Variants in GCA observed in about 807,000 individuals in gnomAD.
The protein encoded by GCA is grancalcin.
A neutral mutation model predicts 32.6 loss-of-function variants in GCA; 30 were observed. The ratio of observed to expected loss-of-function variants is 0.92; its 90% confidence interval spans 0.69 to 1.25. The LOEUF (loss-of-function observed/expected upper bound fraction) is 1.25. GCA is among the 50% of genes most tolerant of loss of function. GCA has a pLI of 0.00. For missense variants in GCA, 291 were observed against 266.8 expected, an observed-to-expected ratio of 1.09 and a Z score of -0.63; for synonymous variants, 102 against 84.6, an observed-to-expected ratio of 1.21 and a Z score of -1.13.
At chr2:162,370,082 G>A (rs1685876546) in intron 4 of GCA, among the ~76,000 whole-genome samples, 1 of 152,060 alleles carries the variant, frequency 6.6e-6, no homozygotes, top group Non-Finnish European at 1.5e-5. Context: ...CAATTTATGT[G>A]ACCATTTAAA....
At chr2:162,329,737 A>C (rs948078352) in intron 1 of GCA, among the ~76,000 whole-genome samples, 2 of 151,970 alleles carry the variant, frequency 1.3e-5, no homozygotes. Context: ...TACATAGGTA[A>C]ACTTGTGTCA....
At position 162,360,388 on chromosome 2, in the gene GCA, A is replaced by G. The variant is rs775993585; in HGVS notation, c.*145A>G. ...CCTTTCTGTGTGTTTTTATTTTAGCAGATAGTTCAAAGCAATAAAAGATTT... is the reference window on the plus strand; with the variant it reads ...CCTTTCTGTGTGTTTTTATTTTAGCGGATAGTTCAAAGCAATAAAAGATTT... On this transcript the variant is annotated 3_prime_UTR_variant, in exon 8 of 8. Transcript: ENST00000437150. 8.9e-6 allele frequency: 12 copies of G among 1,347,288 alleles called. No individual in the cohort carries two copies. The highest frequency in any genetic ancestry group is 1.2e-5 in the Non-Finnish European group (12 of 1,038,722). The allele number at this position is 1,347,288 out of a possible 1,614,324, so 83.5% of individuals were successfully genotyped here.
At chr2:162,347,763 C>T in intron 2 of GCA, 21 bp downstream of exon 2, 2 of 1,385,256 alleles carry the variant, frequency 1.4e-6, no homozygotes, top group East Asian at 2.4e-5. Context: ...AAATTTATTG[C>T]ATAAATATGT....
intron 1 of GCA, among the ~76,000 whole-genome samples, chr2:162,322,109 T>C (rs1683694722): frequency 6.7e-6 from 1 of 150,100 alleles, no homozygotes; most frequent in African/African-American, 2.5e-5. Context: ...GAAAAAAAAT[T>C]ATGGCTAAGT....
chr2:162,362,164 G>A lies in GCA; in HGVS notation c.*1921G>A. 3 of 984,576 alleles carry A rather than the reference G, an allele frequency of 3.0e-6. No homozygotes were observed. The highest frequency in any genetic ancestry group is 4.7e-5 in the South Asian group (1 of 21,278). 61.0% of individuals were successfully genotyped at this position (984,576 alleles called of 1,614,324 possible). A position where few individuals can be genotyped will look rare whatever the true frequency, so the allele number is the denominator to read the frequency against. On this transcript the variant is annotated 3_prime_UTR_variant, in exon 8 of 8. Transcript: ENST00000437150. ...CTCTCACTTTCTAAAGCTTGACAAGGTATATTAGCATCTGAAACCCCAAGG... is the reference window on the plus strand; with the variant it reads ...CTCTCACTTTCTAAAGCTTGACAAGATATATTAGCATCTGAAACCCCAAGG...
At chr2:162,369,651 T>C (rs1470958683) in intron 4 of GCA, among the ~76,000 whole-genome samples, 1 of 152,066 alleles carries the variant, frequency 6.6e-6, no homozygotes, top group Non-Finnish European at 1.5e-5. Context: ...ACCTGCCAAA[T>C]CCTCTCTCCC....
At position 162,357,112 on chromosome 2, in the gene GCA, T is replaced by C; in HGVS notation, c.454+207T>C. On this transcript the variant is annotated intron_variant, in intron 5 of 7. Coordinates refer to ENST00000437150, the MANE Select transcript of GCA (RefSeq NM_012198.5). ...TATGATTTTTTTCAAAAGATGATCTTCCATACATGCATACATTCTGAATTT... is the reference window on the plus strand; with the variant it reads ...TATGATTTTTTTCAAAAGATGATCTCCCATACATGCATACATTCTGAATTT... The C allele has an allele frequency of 1.1e-5, 5 of 442,274 alleles. No individual in the cohort carries two copies. In the South Asian group the frequency reaches 2.1e-4, roughly 19 times the overall value. The allele number at this position is 442,274 out of a possible 1,614,324, so 27.4% of individuals were successfully genotyped here.
In GCA at chr2:162,352,366, A is replaced by G. The variant is rs373720297; in HGVS notation, c.221A>G (p.Gln74Arg). The stretch of plus-strand genomic sequence containing the variant: ...GGTGAAGTGGATGCTGAAGAACTTC[A>G]GAGATGTTTGACACAGTCTGGAATT... ...QDGEVDAEELQRCLTQSGING... is the reference protein window; with the variant it reads ...QDGEVDAEELRRCLTQSGING... Residue 74 changes from glutamine (Q) to arginine (R), a missense_variant, in exon 3 of 8, where the codon CAG (glutamine) becomes CGG (arginine). Transcript: ENST00000437150. The G allele has an allele frequency of 1.8e-4, 285 of 1,592,660 alleles. 1 individual carries two copies. In the South Asian group the frequency reaches 2.2e-3, roughly 12 times the overall value.
In GCA at chr2:162,347,649, A is replaced by T. The variant is rs777268464; in HGVS notation, c.99A>T (p.Ile33=). 24 of 1,610,532 alleles carry T rather than the reference A, an allele frequency of 1.5e-5. No homozygotes were observed. The highest frequency in any genetic ancestry group is 2.0e-5 in the Non-Finnish European group (24 of 1,177,376). ...GQPVPETGPA[I]LLDGYSGPAY... The stretch of plus-strand genomic sequence containing the variant: ...CAGTGCCAGAAACAGGCCCAGCTAT[A>T]CTCCTCGATGGATACTCTGGGCCAG... The change falls in exon 2 of 8, where the codon ATA becomes ATT. Residue 33 remains isoleucine (I), a synonymous_variant. Coordinates refer to ENST00000437150, the MANE Select transcript of GCA (RefSeq NM_012198.5).
intron 1 of GCA, among the ~76,000 whole-genome samples, chr2:162,325,123 C>T (rs1430603571): frequency 6.6e-6 from 1 of 152,154 alleles, no homozygotes; most frequent in Non-Finnish European, 1.5e-5. Flanking sequence ...CAACATTGTA[C>T]CCTGACCTGT....
chr2:162,359,255 T>C, intron 6 of GCA, 98 bp downstream of exon 6: 1 of 740,438 alleles, frequency 1.4e-6, no homozygotes, highest in Non-Finnish European at 2.4e-6. Flanking sequence ...AATATGTGTT[T>C]TCTCCCTTTA....
At chr2:162,338,420 C>T (rs377112680) in intron 1 of GCA, among the ~76,000 whole-genome samples, 3 of 152,086 alleles carry the variant, frequency 2.0e-5, no homozygotes, top group South Asian at 2.1e-4. Context: ...TACACAGAAG[C>T]GAGTTACTAA....
At chr2:162,354,721 G>A (rs932220018) in intron 3 of GCA, among the ~76,000 whole-genome samples, 4 of 152,080 alleles carry the variant, frequency 2.6e-5, no homozygotes, top group African/African-American at 9.7e-5. Flanking sequence ...TCAGATCTAG[G>A]TTGGTTAACT....
chr2:162,333,077 A>T (rs565325956), intron 1 of GCA, among the ~76,000 whole-genome samples: 4 of 152,252 alleles, frequency 2.6e-5, no homozygotes, highest in African/African-American at 9.6e-5. Flanking sequence ...CCTCATATTT[A>T]TATACACCCA....
Position 162,360,535 on chromosome 2 carries a change from T to A in GCA, c.*292T>A, listed in dbSNP as rs1685525001. On this transcript the variant is annotated 3_prime_UTR_variant, in exon 8 of 8. Coordinates refer to ENST00000437150, the MANE Select transcript of GCA (RefSeq NM_012198.5). ...TGCTTAGCCTTAATTTTAGATAATG[T>A]AAATTTAGAGGAATGTACTTTACAA... 9.5e-7 allele frequency: 1 copy of A among 1,050,254 alleles called. No individual in the cohort carries two copies. Among genetic ancestry groups the A allele is most frequent in the African/African-American group, 1.7e-5 (1 of 60,294 alleles). 65.1% of individuals were successfully genotyped at this position (1,050,254 alleles called of 1,614,324 possible).
At chr2:162,352,245 A>G (rs890999542) in intron 2 of GCA, 93 bp from the exon 3 acceptor site, 6 of 737,060 alleles carry the variant, frequency 8.1e-6, no homozygotes, top group Admixed American at 2.2e-5. Flanking sequence ...CAAAGAATGC[A>G]TATGTCTTGA....
downstream of GCA, chr2:162,372,168 AAACTT>A: frequency 1.7e-6 from 2 of 1,206,306 alleles, no homozygotes; most frequent in Admixed American, 2.3e-5. Flanking sequence ...ACACTAATAA[AAACTT>A]AAGCATTTTC....
chr2:162,361,772 G>A lies in GCA; in HGVS notation c.*1529G>A. 1 of 984,062 alleles carries A rather than the reference G, an allele frequency of 1.0e-6. No individual in the cohort carries two copies. The highest frequency in any genetic ancestry group is 1.2e-6 in the Non-Finnish European group (1 of 828,936). 61.0% of individuals were successfully genotyped at this position (984,062 alleles called of 1,614,324 possible). A position where few individuals can be genotyped will look rare whatever the true frequency, so the allele number is the denominator to read the frequency against. On this transcript the variant is annotated 3_prime_UTR_variant, in exon 8 of 8. Transcript: ENST00000437150. ...GATAATGTGAGAGGACATTAACTGA[G>A]CTGGGAAATTAAAGAAACAGAATTC...
intron 2 of GCA, among the ~76,000 whole-genome samples, chr2:162,351,395 C>T (rs1684991843): frequency 6.6e-6 from 1 of 152,168 alleles, no homozygotes; most frequent in Non-Finnish European, 1.5e-5. Context: ...TAATTCTCTA[C>T]CTGATGCTCT....
Sources: gnomAD v4.1 joint callset for allele counts (sites outside exome capture counted in the v4.1 genomes callset) on GRCh38, gnomAD v4.1.1 for gene constraint, MANE v1.5 for transcripts, NCBI Gene and HGNC (gene_info 2026-07-23, HGNC 2026-07-21) for gene names.